Variants in SPATA16 observed in about 807,000 individuals in gnomAD.
The protein encoded by SPATA16 is spermatogenesis associated 16.
Under a neutral mutation model 63.3 loss-of-function variants are expected in SPATA16, and 36 were observed. That is an observed-to-expected ratio of 0.57 (90% CI 0.44 to 0.75). The LOEUF (loss-of-function observed/expected upper bound fraction) is 0.75, where lower values mean the gene tolerates loss of function less well. SPATA16 is among the 30% of genes least tolerant of loss of function. SPATA16 has a pLI of 0.00. For synonymous variants in SPATA16, 203 were observed against 216.7 expected, an observed-to-expected ratio of 0.94 and a Z score of 0.56; for missense variants, 646 against 679.3, an observed-to-expected ratio of 0.95 and a Z score of 0.54.
At chr3:172,976,835 A>G in intron 5 of SPATA16, 133 bp downstream of exon 5, 1 of 740,316 alleles carries the variant, frequency 1.4e-6, no homozygotes, top group Non-Finnish European at 2.4e-6. Context: ...TGAATACATT[A>G]TTATTCAGTA....
chr3:172,993,038 C>T (rs1734614504), intron 4 of SPATA16, among the ~76,000 whole-genome samples: 3 of 152,098 alleles, frequency 2.0e-5, no homozygotes, highest in Admixed American at 2.0e-4. Flanking sequence ...ATCCAGACTA[C>T]ACTATTAGAG....
At chr3:173,023,676 T>C (rs1018021162) in intron 3 of SPATA16, among the ~76,000 whole-genome samples, 3 of 151,794 alleles carry the variant, frequency 2.0e-5, no homozygotes, top group African/African-American at 7.2e-5. Flanking sequence ...AAATATTCTT[T>C]TGTGTCTCCC....
chr3:172,955,052 C>T (rs888112659), intron 6 of SPATA16, among the ~76,000 whole-genome samples: 1 of 152,152 alleles, frequency 6.6e-6, no homozygotes, highest in Non-Finnish European at 1.5e-5. Flanking sequence ...TAGCATGAAT[C>T]GTCTTGCCAA....
chr3:172,996,642 A>G (rs1734699219), intron 4 of SPATA16, among the ~76,000 whole-genome samples: 1 of 152,116 alleles, frequency 6.6e-6, no homozygotes, highest in African/African-American at 2.4e-5. Context: ...TTGATGACTT[A>G]TATTTACATC....
chr3:172,967,903 C>T (rs1733954559), intron 5 of SPATA16, among the ~76,000 whole-genome samples: 1 of 152,188 alleles, frequency 6.6e-6, no homozygotes, highest in Non-Finnish European at 1.5e-5. Context: ...ATAATTATTT[C>T]ATTATGTATC....
intron 6 of SPATA16, among the ~76,000 whole-genome samples, chr3:172,932,894 G>C (rs967798499): frequency 6.6e-6 from 1 of 152,038 alleles, no homozygotes; most frequent in African/African-American, 2.4e-5. Flanking sequence ...TTTCACTTCA[G>C]GCTGGTGGTC....
intron 5 of SPATA16, among the ~76,000 whole-genome samples, chr3:172,960,446 C>G (rs1246140058): frequency 1.3e-5 from 2 of 152,174 alleles, no homozygotes; most frequent in East Asian, 3.9e-4. Flanking sequence ...TAATAACTCT[C>G]TTTTGTTACT....
chr3:173,091,687 T>G (rs1737225629), intron 2 of SPATA16, among the ~76,000 whole-genome samples: 1 of 152,116 alleles, frequency 6.6e-6, no homozygotes, highest in Non-Finnish European at 1.5e-5. Flanking sequence ...AAATGAAGGT[T>G]GAGTTGAACA....
chr3:172,914,900 T>A (rs1486096295), intron 9 of SPATA16, among the ~76,000 whole-genome samples: 1 of 151,982 alleles, frequency 6.6e-6, no homozygotes, highest in Admixed American at 6.6e-5. Context: ...AAAATATAGA[T>A]GTGTGATTAA....
chr3:172,985,687 T>C (rs926945869), intron 4 of SPATA16, among the ~76,000 whole-genome samples: 3 of 152,168 alleles, frequency 2.0e-5, no homozygotes, highest in Non-Finnish European at 4.4e-5. Flanking sequence ...TATTTTTAAA[T>C]AGTAATGAAG....
chr3:172,951,573 C>T (rs921329534), intron 6 of SPATA16, among the ~76,000 whole-genome samples: 12 of 152,028 alleles, frequency 7.9e-5, no homozygotes, highest in African/African-American at 2.9e-4. Flanking sequence ...GTCTGTTTTT[C>T]CCATGGATAT....
chr3:172,990,309 A>G (rs1477889283), intron 4 of SPATA16, among the ~76,000 whole-genome samples: 1 of 152,202 alleles, frequency 6.6e-6, no homozygotes, highest in African/African-American at 2.4e-5. Flanking sequence ...AAGTGAATAA[A>G]TATTTGCTAA....
intron 10 of SPATA16, among the ~76,000 whole-genome samples, chr3:172,902,526 A>G (rs1732146360): frequency 6.6e-6 from 1 of 152,218 alleles, no homozygotes. Context: ...AGCTTTATTA[A>G]TATGATAAAG....
At chr3:173,026,883 C>T (rs1208717831) in intron 3 of SPATA16, among the ~76,000 whole-genome samples, 1 of 151,276 alleles carries the variant, frequency 6.6e-6, no homozygotes, top group African/African-American at 2.4e-5. Flanking sequence ...CTTTTTTTTC[C>T]CCTCTAACAT....
intron 5 of SPATA16, among the ~76,000 whole-genome samples, chr3:172,966,018 T>A (rs540795713): frequency 6.6e-6 from 1 of 152,344 alleles, no homozygotes; most frequent in Non-Finnish European, 1.5e-5. Context: ...TGACTTCCCA[T>A]GCTTTCATCC....
chr3:173,094,134 A>G (rs954542664), intron 2 of SPATA16, among the ~76,000 whole-genome samples: 1 of 152,082 alleles, frequency 6.6e-6, no homozygotes, highest in African/African-American at 2.4e-5. Flanking sequence ...AAATAATTAA[A>G]AGTGCAATCT....
chr3:172,933,224 G>A (rs1414860062), intron 6 of SPATA16, among the ~76,000 whole-genome samples: 2 of 152,110 alleles, frequency 1.3e-5, no homozygotes, highest in East Asian at 1.9e-4. Context: ...ATGTCTTCTT[G>A]CACTGTATGA....
At chr3:173,004,936 A>G (rs183486520) in intron 4 of SPATA16, among the ~76,000 whole-genome samples, 184 of 152,366 alleles carry the variant, frequency 1.2e-3, no homozygotes, top group African/African-American at 4.3e-3. Context: ...TAGGTATTAG[A>G]AAACAGCACA....
intron 2 of SPATA16, among the ~76,000 whole-genome samples, chr3:173,081,406 A>G (rs1310368944): frequency 6.6e-6 from 1 of 152,222 alleles, no homozygotes; most frequent in African/African-American, 2.4e-5. Context: ...AATAACCCAG[A>G]CACAAGAACC....
Sources: allele counts gnomAD v4.1 joint callset (sites outside exome capture counted in the v4.1 genomes callset), GRCh38; gene constraint gnomAD v4.1.1; transcripts MANE v1.5; gene names NCBI Gene and HGNC (gene_info 2026-07-23, HGNC 2026-07-21).